The following SEH1L variants were observed in gnomAD, a reference collection of about 807,000 sequenced individuals.
SEH1L encodes SEH1 like nucleoporin.
In SEH1L, 18 loss-of-function variants were observed where a neutral mutation model predicts 49.5. That is an observed-to-expected ratio of 0.36 (90% confidence interval 0.25 to 0.54). The LOEUF is 0.54. SEH1L is among the 20% of genes least tolerant of loss of function. The probability of loss-of-function intolerance (pLI) is 0.87; values close to 1 mark genes in which losing one functional copy is unlikely to be tolerated. For missense variants in SEH1L, 404 were observed against 528.8 expected (o/e 0.76, Z 2.31); for synonymous variants, 169 against 178.1 (o/e 0.95, Z 0.41).
chr18:12,977,337 C>T (rs983031079), intron 5 of SEH1L: 4 of 152,226 alleles, frequency 2.6e-5, no homozygotes, highest in Admixed American at 2.6e-4. Flanking sequence ...TGATCTACCA[C>T]TGCCTTCATT....
intron 1 of SEH1L, among the ~76,000 whole-genome samples, chr18:12,949,223 G>A (rs1482706075): frequency 6.6e-6 from 1 of 151,734 alleles, no homozygotes; most frequent in African/African-American, 2.4e-5. Context: ...CCTCCCAGAT[G>A]TGTTGCAGGA....
chr18:12,972,351 G>T (rs928167232), intron 5 of SEH1L: 11 of 152,168 alleles, frequency 7.2e-5, no homozygotes, highest in African/African-American at 2.7e-4. Flanking sequence ...TTGAGATAAG[G>T]AACTCTGGGA....
At chr18:12,968,485 A>G (rs932687446) in intron 4 of SEH1L, among the ~76,000 whole-genome samples, 5 of 151,962 alleles carry the variant, frequency 3.3e-5, no homozygotes, top group African/African-American at 1.2e-4. Context: ...ATGTTTTTTG[A>G]CCAAATCACT....
At chr18:12,978,505 TAAATCTC>T (rs954405161) in intron 5 of SEH1L, 3 of 377,438 alleles carry the variant, frequency 7.9e-6, no homozygotes, top group Non-Finnish European at 1.4e-5. Context: ...GGACCCACCC[TAAATCTC>T]GGATGTCATT....
At chr18:12,979,684 G>T (rs1173413596) in intron 6 of SEH1L, among the ~76,000 whole-genome samples, 1 of 150,728 alleles carries the variant, frequency 6.6e-6, no homozygotes, top group African/African-American at 2.4e-5. Flanking sequence ...CGGGGTGGCT[G>T]GCTGGGCGGG....
intron 5 of SEH1L, among the ~76,000 whole-genome samples, chr18:12,975,070 G>A (rs950282885): frequency 2.6e-5 from 4 of 151,142 alleles, no homozygotes; most frequent in African/African-American, 7.3e-5. Flanking sequence ...TCGGCTCACC[G>A]TAACCTCCGC....
intron 4 of SEH1L, among the ~76,000 whole-genome samples, chr18:12,970,356 G>T (rs1480055250): frequency 6.6e-6 from 1 of 152,192 alleles, no homozygotes. Context: ...GGGGAATGAC[G>T]TGGGGATCGT....
chr18:12,980,956 C>T (rs1266894132), intron 6 of SEH1L, among the ~76,000 whole-genome samples: 17 of 150,292 alleles, frequency 1.1e-4, no homozygotes, highest in Non-Finnish European at 1.8e-4. Flanking sequence ...GGGTGGCTGC[C>T]GGGCGGAGAT....
intron 6 of SEH1L, among the ~76,000 whole-genome samples, chr18:12,979,959 T>C (rs1215248233): frequency 0.012 from 749 of 60,358 alleles, no homozygotes; most frequent in Middle Eastern, 0.065. Context: ...CGGGCAGAGG[T>C]GCCCCTCACC....
At chr18:12,963,817 A>G (rs1330099580) in intron 4 of SEH1L, among the ~76,000 whole-genome samples, 2 of 152,190 alleles carry the variant, frequency 1.3e-5, no homozygotes, top group Non-Finnish European at 2.9e-5. Context: ...AGTTCAAGCA[A>G]TTCTCCTGCC....
intron 4 of SEH1L, among the ~76,000 whole-genome samples, chr18:12,965,261 C>T (rs1334651840): frequency 6.6e-6 from 1 of 152,088 alleles, no homozygotes; most frequent in Non-Finnish European, 1.5e-5. Context: ...ATCCGCCCAC[C>T]TCGGCCTCCC....
chr18:12,986,832 G>C, intron 8 of SEH1L, 30 bp from the exon 9 acceptor site: 1 of 1,245,542 alleles, frequency 8.0e-7, no homozygotes, highest in African/African-American at 1.9e-5. Context: ...TGTTTTGTTT[G>C]GTGTTTTGTT....
intron 3 of SEH1L, among the ~76,000 whole-genome samples, chr18:12,959,622 C>CT (rs1356508544): frequency 6.6e-6 from 1 of 152,230 alleles, no homozygotes; most frequent in African/African-American, 2.4e-5. Context: ...TATGCACAAC[C>CT]TGTAAATGAT....
At chr18:12,966,901 C>T (rs2031477274) in intron 4 of SEH1L, among the ~76,000 whole-genome samples, 1 of 152,216 alleles carries the variant, frequency 6.6e-6, no homozygotes, top group Non-Finnish European at 1.5e-5. Context: ...TCTCCCAGAT[C>T]TCCACTTTGT....
intron 3 of SEH1L, among the ~76,000 whole-genome samples, chr18:12,961,030 GGTTGTTACAC>G (rs1277503838): frequency 2.0e-5 from 3 of 152,182 alleles, no homozygotes; most frequent in Admixed American, 2.0e-4. Context: ...CTTGGACTTG[GGTTGTTACAC>G]GTTGGCATGC....
intron 6 of SEH1L, among the ~76,000 whole-genome samples, chr18:12,980,868 G>A (rs924102365): frequency 6.8e-6 from 1 of 146,206 alleles, no homozygotes; most frequent in African/African-American, 2.5e-5. Context: ...GCCGGGCGGG[G>A]GGCTGACCCC....
chr18:12,964,738 C>A (rs1055539711), intron 4 of SEH1L, among the ~76,000 whole-genome samples: 1 of 145,572 alleles, frequency 6.9e-6, no homozygotes, highest in South Asian at 2.2e-4. Context: ...TGGGTTCAAA[C>A]GATTCTCCTG....
At chr18:12,950,730 T>G (rs2145601297) in intron 1 of SEH1L, among the ~76,000 whole-genome samples, 1 of 152,342 alleles carries the variant, frequency 6.6e-6, no homozygotes, top group South Asian at 2.1e-4. Flanking sequence ...GTGATAGTAT[T>G]GATTTGATAG....
intron 6 of SEH1L, 29 bp from the exon 7 acceptor site, chr18:12,982,489 A>G (rs755060044): frequency 6.3e-7 from 1 of 1,585,002 alleles, no homozygotes; most frequent in African/African-American, 1.4e-5. Flanking sequence ...TTTGTTTGGA[A>G]TGCCTCAGAA....
Sources: allele counts gnomAD v4.1 joint callset (sites outside exome capture counted in the v4.1 genomes callset), GRCh38; gene constraint gnomAD v4.1.1; transcripts MANE v1.5; gene names NCBI Gene and HGNC (gene_info 2026-07-23, HGNC 2026-07-21).